EDIL3: variants seen among roughly 807,000 people sequenced by gnomAD.
EDIL3 encodes the protein EGF like and discoidin domains 3.
A neutral mutation model predicts 67.4 loss-of-function variants in EDIL3; 37 were observed. The observed-to-expected ratio is 0.55, with a 90% CI of 0.42 to 0.72. The LOEUF is 0.72. Ranked by LOEUF, EDIL3 falls within the 30% of genes least tolerant of loss-of-function variation. EDIL3 has a pLI of 0.00. For missense variants in EDIL3, 527 were observed against 586.3 expected, an observed-to-expected ratio of 0.90 and a Z score of 1.04; for synonymous variants, 195 against 196.3, an observed-to-expected ratio of 0.99 and a Z score of 0.05.
intron 4 of EDIL3, among the ~76,000 whole-genome samples, chr5:84,152,916 T>A (rs1748422610): frequency 6.6e-6 from 1 of 152,234 alleles, no homozygotes; most frequent in African/African-American, 2.4e-5. Flanking sequence ...ATACATATTT[T>A]TGAAATCTTT....
chr5:84,225,351 G>A (rs1440432865), intron 3 of EDIL3, among the ~76,000 whole-genome samples: 2 of 151,602 alleles, frequency 1.3e-5, no homozygotes, highest in Non-Finnish European at 3.0e-5. Flanking sequence ...AAAAGAATGT[G>A]GGTACGTATG....
chr5:84,195,059 T>A (rs1743676992), intron 3 of EDIL3, among the ~76,000 whole-genome samples: 1 of 151,944 alleles, frequency 6.6e-6, no homozygotes, highest in Non-Finnish European at 1.5e-5. Flanking sequence ...TACAGTGTTT[T>A]CATGATACAA....
intron 9 of EDIL3, among the ~76,000 whole-genome samples, chr5:83,967,997 G>A (rs1323006141): frequency 2.6e-5 from 4 of 152,004 alleles, no homozygotes; most frequent in African/African-American, 9.7e-5. Context: ...AAGCTAATAT[G>A]GTTAACTAGC....
intron 9 of EDIL3, among the ~76,000 whole-genome samples, chr5:84,019,556 AT>A (rs761101542): frequency 2.6e-5 from 4 of 152,118 alleles, no homozygotes; most frequent in Non-Finnish European, 4.4e-5. Flanking sequence ...AAATAAAAAA[AT>A]AAAATAAAAA....
At chr5:84,382,334 T>C (rs948970841) in intron 1 of EDIL3, among the ~76,000 whole-genome samples, 3 of 152,152 alleles carry the variant, frequency 2.0e-5, no homozygotes, top group African/African-American at 7.2e-5. Context: ...GCGGGTATCT[T>C]CAGGAGACAG....
chr5:84,247,746 G>C (rs930067323), intron 2 of EDIL3, among the ~76,000 whole-genome samples: 1 of 151,694 alleles, frequency 6.6e-6, no homozygotes, highest in African/African-American at 2.4e-5. Context: ...AACTTTTCCT[G>C]AATATATATA....
chr5:84,177,590 G>A (rs1748943525), intron 4 of EDIL3, among the ~76,000 whole-genome samples: 1 of 152,006 alleles, frequency 6.6e-6, no homozygotes, highest in African/African-American at 2.4e-5. Flanking sequence ...TTGGTAATAA[G>A]GTAACAGTAT....
intron 1 of EDIL3, among the ~76,000 whole-genome samples, chr5:84,303,843 TG>T (rs1264948119): frequency 7.4e-5 from 11 of 147,662 alleles, no homozygotes; most frequent in African/African-American, 2.3e-4. Context: ...TGTGTGTGTG[TG>T]TGTGTTTGTG....
chr5:84,055,713 T>C (rs1427974336), intron 9 of EDIL3, among the ~76,000 whole-genome samples: 1 of 152,136 alleles, frequency 6.6e-6, no homozygotes, highest in Non-Finnish European at 1.5e-5. Context: ...AAAAAATGGC[T>C]CACCATCACT....
At chr5:83,953,028 T>C (rs1744447793) in intron 10 of EDIL3, among the ~76,000 whole-genome samples, 1 of 151,704 alleles carries the variant, frequency 6.6e-6, no homozygotes, top group African/African-American at 2.4e-5. Flanking sequence ...AGTGGAATCG[T>C]ACAGCTGAAG....
chr5:84,009,316 CATT>C (rs1745478671), intron 9 of EDIL3, among the ~76,000 whole-genome samples: 1 of 152,158 alleles, frequency 6.6e-6, no homozygotes, highest in Non-Finnish European at 1.5e-5. Flanking sequence ...AAGTGATCAT[CATT>C]AACCTGATGA....
rs550903149 is a variant in EDIL3, at chr5:84,355,703, C to T, written c.67+28605G>A. Among the ~76,000 whole-genome samples, 12 of 152,272 alleles carry T rather than the reference C, an allele frequency of 7.9e-5. No homozygotes were observed. In the South Asian group the frequency reaches 2.5e-3, roughly 32 times the overall value. ...CCACCAGATGCCAGCTGGAGCTTTC[C>T]TGTATGAGGTGTCTGTCGACCCCTG... On this transcript the variant is annotated intron_variant, in intron 1 of 10. Transcript: ENST00000296591.
intron 1 of EDIL3, among the ~76,000 whole-genome samples, chr5:84,327,565 T>G (rs910312683): frequency 6.6e-6 from 1 of 152,064 alleles, no homozygotes; most frequent in African/African-American, 2.4e-5. Context: ...TTTCTACACA[T>G]GTAGTATTAA....
intron 5 of EDIL3, among the ~76,000 whole-genome samples, chr5:84,111,079 T>C (rs565743905): frequency 6.6e-6 from 1 of 152,224 alleles, no homozygotes; most frequent in East Asian, 1.9e-4. Context: ...TTTAAAAGTG[T>C]GTGGCACGTC....
At chr5:83,948,521 A>G (rs1468748253) in intron 10 of EDIL3, among the ~76,000 whole-genome samples, 1 of 151,622 alleles carries the variant, frequency 6.6e-6, no homozygotes, top group African/African-American at 2.4e-5. Context: ...CTAGGGCTAG[A>G]TTTTCAGTAA....
At chr5:84,211,832 G>A (rs1442389534) in intron 3 of EDIL3, among the ~76,000 whole-genome samples, 1 of 152,176 alleles carries the variant, frequency 6.6e-6, no homozygotes, top group Non-Finnish European at 1.5e-5. Context: ...ACTTGTTAGA[G>A]CAGCCTCAGG....
intron 9 of EDIL3, among the ~76,000 whole-genome samples, chr5:83,976,453 C>T (rs540688596): frequency 5.9e-5 from 9 of 151,940 alleles, no homozygotes; most frequent in Admixed American, 2.0e-4. Flanking sequence ...AACATTTGTA[C>T]ACTGAGAATG....
chr5:84,210,893 GTTTA>G (rs1744104363), intron 3 of EDIL3, among the ~76,000 whole-genome samples: 1 of 152,130 alleles, frequency 6.6e-6, no homozygotes, highest in Admixed American at 6.5e-5. Context: ...TACACAATAT[GTTTA>G]TTTAGTTACA....
chr5:84,312,259 GGACGGGGCAGCTGGCCGGGC>G, intron 1 of EDIL3, among the ~76,000 whole-genome samples: 41 of 134,884 alleles, frequency 3.0e-4, no homozygotes, highest in African/African-American at 1.3e-3. Flanking sequence ...CCTCCCTCCC[GGACGGGGCAGCTGGCCGGGC>G]GGGGGCTGAC....
Sources: allele counts gnomAD v4.1 joint callset (sites outside exome capture counted in the v4.1 genomes callset), GRCh38; gene constraint gnomAD v4.1.1; transcripts MANE v1.5; gene names NCBI Gene and HGNC (gene_info 2026-07-23, HGNC 2026-07-21).